Variants in PFKFB1 observed in about 807,000 individuals in gnomAD.
PFKFB1 encodes 6-phosphofructo-2-kinase/fructose-2,6-bisphosphatase 1.
In PFKFB1, 34 loss-of-function variants were observed where a neutral mutation model predicts 46.4. The ratio of observed to expected loss-of-function variants is 0.73; its 90% CI spans 0.56 to 0.98. The LOEUF is 0.98. Ranked by LOEUF, PFKFB1 falls within the 50% of genes least tolerant of loss-of-function variation. The probability of loss-of-function intolerance (pLI) is 0.00; values close to 1 mark genes in which losing one functional copy is unlikely to be tolerated. For missense variants in PFKFB1, 393 were observed against 376.3 expected, an observed-to-expected ratio of 1.04 and a Z score of -0.37; for synonymous variants, 119 against 133.8, an observed-to-expected ratio of 0.89 and a Z score of 0.76.
intron 1 of PFKFB1, among the ~76,000 whole-genome samples, chrX:54,973,410 C>G (rs1200011210): frequency 9.0e-6 from 1 of 111,127 alleles, no homozygotes. Flanking sequence ...TCTTGCTTTT[C>G]TAGTTCTTTT....
rs771391071 is a variant in PFKFB1, at chrX:54,960,951, A to G, written c.224-34T>C. Reference sequence around the variant, plus strand: ...AGGGAGTGCCAGTGAAGAGGTTGGGAAGATCCCAGTGGCCAAAAAAATGTC... The same window carrying G: ...AGGGAGTGCCAGTGAAGAGGTTGGGGAGATCCCAGTGGCCAAAAAAATGTC... On this transcript the variant is annotated intron_variant, in intron 2 of 13. Coordinates refer to ENST00000375006, the MANE Select transcript of PFKFB1 (RefSeq NM_002625.4). 11 of 999,360 alleles carry G rather than the reference A, an allele frequency of 1.1e-5. No individual in the cohort carries two copies. In the South Asian group the frequency reaches 2.1e-4, roughly 19 times the overall value. 82.4% of individuals were successfully genotyped at this position (999,360 alleles called of 1,213,427 possible).
chrX:54,982,127 A>T (rs1935011195), intron 1 of PFKFB1, among the ~76,000 whole-genome samples: 1 of 112,069 alleles, frequency 8.9e-6, no homozygotes, highest in African/African-American at 3.2e-5. Flanking sequence ...AATTTAGTTC[A>T]ACATAAAATC....
intron 4 of PFKFB1, 74 bp downstream of exon 4, chrX:54,959,753 G>T: frequency 1.6e-6 from 1 of 617,280 alleles, no homozygotes; most frequent in Non-Finnish European, 2.7e-6. Flanking sequence ...TGTACACATT[G>T]GTAAATGTTC....
chrX:54,955,733 A>C (rs186987261), intron 7 of PFKFB1, among the ~76,000 whole-genome samples: 2 of 112,110 alleles, frequency 1.8e-5, no homozygotes, highest in South Asian at 3.7e-4. Context: ...TCTAAGACTC[A>C]ATTTCTTTTT....
intron 7 of PFKFB1, among the ~76,000 whole-genome samples, chrX:54,954,285 G>A (rs1005448435): frequency 2.4e-4 from 27 of 111,209 alleles, no homozygotes; most frequent in African/African-American, 7.2e-4. Flanking sequence ...AGGCCAAGGC[G>A]GGCAGATCAT....
intron 1 of PFKFB1, among the ~76,000 whole-genome samples, chrX:54,986,416 G>A (rs1386830062): frequency 2.7e-5 from 3 of 112,361 alleles, no homozygotes; most frequent in Non-Finnish European, 5.6e-5. Flanking sequence ...AGACAAAATG[G>A]ATGTTCAAAA....
In PFKFB1 at chrX:54,933,310, G is replaced by T; in HGVS notation, c.*93C>A. ...TTCACTGGAAGTGGGGTGCCTCAGTGAGGCCAAGGCAGAGTAGGAGAAGAG... is the reference window on the plus strand; with the variant it reads ...TTCACTGGAAGTGGGGTGCCTCAGTTAGGCCAAGGCAGAGTAGGAGAAGAG... On this transcript the variant is annotated 3_prime_UTR_variant, in exon 14 of 14. Coordinates refer to ENST00000375006, the MANE Select transcript of PFKFB1 (RefSeq NM_002625.4). 1 of 771,840 alleles carries T rather than the reference G, an allele frequency of 1.3e-6. No homozygotes were observed. Among genetic ancestry groups the T allele is most frequent in the Non-Finnish European group, 2.0e-6 (1 of 508,613 alleles). 63.6% of individuals were successfully genotyped at this position (771,840 alleles called of 1,213,427 possible).
In PFKFB1 at chrX:54,994,031, T is replaced by A; in HGVS notation, c.-24A>T. 8.4e-7 allele frequency: 1 copy of A among 1,188,532 alleles called. No homozygotes were observed. Reference sequence around the variant, plus strand: ...ATCTTAGGAGTCGCACCGAATGACATCACTGCCCACAAGGTACCTGGCCTC... The same window carrying A: ...ATCTTAGGAGTCGCACCGAATGACAACACTGCCCACAAGGTACCTGGCCTC... On this transcript the variant is annotated 5_prime_UTR_variant, in exon 1 of 14. An upstream start codon of the reference 5' UTR is lost. Coordinates refer to ENST00000375006, the MANE Select transcript of PFKFB1 (RefSeq NM_002625.4).
Position 54,951,769 on chromosome X carries a change from G to A in PFKFB1, c.846+136C>T, listed in dbSNP as rs760477785. ...GACTGAGCAGCTGATGGGTGGAAGA[G>A]CAGGAGTGATGGAATCTGCTTCTCC... On this transcript the variant is annotated intron_variant, in intron 8 of 13. Coordinates refer to ENST00000375006, the MANE Select transcript of PFKFB1 (RefSeq NM_002625.4). The A allele has an allele frequency of 3.4e-4, 174 of 514,926 alleles. No homozygotes were observed. In the South Asian group the frequency reaches 4.5e-3, roughly 13 times the overall value. The allele number at this position is 514,926 out of a possible 1,213,427, so 42.4% of individuals were successfully genotyped here. A position where few individuals can be genotyped will look rare whatever the true frequency, so the allele number is the denominator to read the frequency against.
intron 2 of PFKFB1, among the ~76,000 whole-genome samples, chrX:54,962,966 T>A (rs1318171504): frequency 8.9e-6 from 1 of 112,352 alleles, no homozygotes; most frequent in East Asian, 2.8e-4. Context: ...ATAAAAATAA[T>A]ATGTTACTCA....
At position 54,937,732 on chromosome X, in the gene PFKFB1, T is replaced by A. The variant is rs34339145; in HGVS notation, c.1099-8A>T. 1.3e-3 allele frequency: 1,581 copies of A among 1,199,607 alleles called. 12 individuals are homozygous for A. In the East Asian group the frequency reaches 0.023, roughly 17 times the overall value. On this transcript the variant is annotated splice_region_variant and splice_polypyrimidine_tract_variant and intron_variant, in intron 10 of 13. Coordinates refer to ENST00000375006, the MANE Select transcript of PFKFB1 (RefSeq NM_002625.4). The stretch of plus-strand genomic sequence containing the variant: ...AACCAGATCCTCATAGGACTAAACG[T>A]AAGAGAGATACTTGAGTGAGAAAGG...
intron 10 of PFKFB1, among the ~76,000 whole-genome samples, chrX:54,939,631 T>C (rs1420895239): frequency 6.3e-5 from 7 of 111,752 alleles, no homozygotes; most frequent in Non-Finnish European, 1.3e-4. Context: ...GCAAATAAAC[T>C]AGAAAATCTA....
chrX:54,973,262 T>C lies in PFKFB1; in HGVS notation c.98-9880A>G, dbSNP rs748215397. ...CTTTATTAGTCTTGCTAGCGGTCTA[T>C]CAATTTTGTTGATCCTTTCAAAAAA... On this transcript the variant is annotated intron_variant, in intron 1 of 13. Transcript: ENST00000375006. 2.7e-5 allele frequency among the ~76,000 whole-genome samples: 3 copies of C among 111,611 alleles called. No homozygotes were observed. In the South Asian group the frequency reaches 1.1e-3, roughly 42 times the overall value.
chrX:54,949,504 C>T (rs753929906), intron 8 of PFKFB1, among the ~76,000 whole-genome samples: 1 of 110,996 alleles, frequency 9.0e-6, no homozygotes, highest in Non-Finnish European at 1.9e-5. Flanking sequence ...GTTATTCATT[C>T]ATTCAAACAG....
Position 54,951,976 on chromosome X carries a change from G to A in PFKFB1, c.775C>T (p.His259Tyr). The change falls in exon 8 of 14, where the codon CAT becomes TAT. Residue 259 changes from histidine (H) to tyrosine (Y), a missense_variant. Transcript: ENST00000375006. ...VTPRSIYLCR[H>Y]GESELNIRGR... ...CTGATGTTGAGTTCACTCTCGCCAT[G>A]TCGGCAAAGGTAGATGGAGCGAGGT... 8.3e-7 allele frequency: 1 copy of A among 1,210,939 alleles called. No individual in the cohort carries two copies. Among genetic ancestry groups the A allele is most frequent in the Non-Finnish European group, 1.1e-6 (1 of 894,898 alleles).
intron 1 of PFKFB1, among the ~76,000 whole-genome samples, chrX:54,993,242 T>C (rs1935290574): frequency 8.9e-6 from 1 of 112,596 alleles, no homozygotes; most frequent in African/African-American, 3.2e-5. Flanking sequence ...TGATCTTTCT[T>C]AAATTTCCAA....
intron 1 of PFKFB1, among the ~76,000 whole-genome samples, chrX:54,973,235 C>T (rs1020213580): frequency 3.6e-5 from 4 of 110,719 alleles, no homozygotes; most frequent in Non-Finnish European, 3.8e-5. Flanking sequence ...CTCCCTTTTC[C>T]TCTTTATTAG....
intron 1 of PFKFB1, among the ~76,000 whole-genome samples, chrX:54,981,337 G>A (rs752904231): frequency 1.3e-4 from 15 of 111,295 alleles, no homozygotes; most frequent in African/African-American, 4.9e-4. Context: ...AGCAATCAAA[G>A]ATAAAAGACA....
At chrX:54,987,033 G>A (rs1266510974) in intron 1 of PFKFB1, among the ~76,000 whole-genome samples, 1 of 109,734 alleles carries the variant, frequency 9.1e-6, no homozygotes, top group Non-Finnish European at 1.9e-5. Flanking sequence ...TAATAAACTT[G>A]ACAAACCTTT....
Sources: gnomAD v4.1 joint callset for allele counts (sites outside exome capture counted in the v4.1 genomes callset) on GRCh38, gnomAD v4.1.1 for gene constraint, MANE v1.5 for transcripts, NCBI Gene and HGNC (gene_info 2026-07-23, HGNC 2026-07-21) for gene names.